The following IKZF3 variants were observed in gnomAD, a reference collection of about 807,000 sequenced individuals.
IKZF3 encodes IKAROS family zinc finger 3.
A neutral mutation model predicts 49.0 loss-of-function variants in IKZF3; 10 were observed. The observed-to-expected ratio is 0.20, with a 90% confidence interval of 0.13 to 0.35. IKZF3 has a LOEUF of 0.35. IKZF3 is among the 10% of genes least tolerant of loss of function. IKZF3 has a pLI of 1.00. For synonymous variants in IKZF3, 209 were observed against 228.2 expected (o/e 0.92, Z 0.76); for missense variants, 498 against 664.8 (o/e 0.75, Z 2.76).
rs2060439308 is a variant in IKZF3 at position 39,771,409 on chromosome 17, C to T, written c.827-4916G>A. On this transcript the variant is annotated intron_variant, in intron 7 of 7. Coordinates refer to ENST00000346872, the MANE Select transcript of IKZF3 (RefSeq NM_012481.5). ...TGGTTAGGTGATTTGAGGAATACAA[C>T]AAAATTGCAATCCACTAGAGGAGAT... Among the ~76,000 whole-genome samples, 3 of 152,182 alleles carry T rather than the reference C, an allele frequency of 2.0e-5. No homozygotes were observed. In the South Asian group the frequency reaches 6.2e-4, roughly 31 times the overall value.
rs1277670618 is a variant in IKZF3 at position 39,834,878 on chromosome 17, C to T, written c.8-2727G>A. 2.6e-5 allele frequency among the ~76,000 whole-genome samples: 4 copies of T among 152,314 alleles called. No individual in the cohort carries two copies. The East Asian group carries it at 7.7e-4, about 29-fold the overall frequency. ...GAGCCTCAGGTGGGTCTCCTGTTCC[C>T]TATACTCCCCTGCACAGTGGCCTCC... is the stretch of plus-strand genomic sequence containing the variant. On this transcript the variant is annotated intron_variant, in intron 1 of 7. Coordinates refer to ENST00000346872, the MANE Select transcript of IKZF3 (RefSeq NM_012481.5).
chr17:39,790,319 GA>G (rs1397819384), intron 5 of IKZF3, among the ~76,000 whole-genome samples: 1 of 151,840 alleles, frequency 6.6e-6, no homozygotes, highest in African/African-American at 2.4e-5. Flanking sequence ...TTTCTTACTT[GA>G]AAAAGGCAAC....
Position 39,836,013 on chromosome 17 carries a change from G to C in IKZF3, c.8-3862C>G, listed in dbSNP as rs1163054593. 6 of 635,420 alleles carry C rather than the reference G, an allele frequency of 9.4e-6. No individual in the cohort carries two copies. In the African/African-American group the frequency reaches 1.1e-4, roughly 12 times the overall value. The allele number at this position is 635,420 out of a possible 1,614,324, so 39.4% of individuals were successfully genotyped here. Reference sequence around the variant, plus strand: ...GGACATGTTGTCCATGCTGCTCCAAGCTGTCTTCTGCTGCCGCAGGAGGCT... The same window carrying C: ...GGACATGTTGTCCATGCTGCTCCAACCTGTCTTCTGCTGCCGCAGGAGGCT... On this transcript the variant is annotated intron_variant, in intron 1 of 7. Transcript: ENST00000346872.
chr17:39,807,544 ATTT>A (rs890371023), intron 3 of IKZF3, among the ~76,000 whole-genome samples: 1,514 of 80,736 alleles, frequency 0.019, 12 homozygotes, highest in African/African-American at 0.075. Context: ...GACTATTTAA[ATTT>A]TTTTTTTTTT....
At position 39,829,955 on chromosome 17, in the gene IKZF3, C is replaced by CA. The variant is rs373615960; in HGVS notation, c.62-468dup. Reference sequence around the variant, plus strand: ...TGACAGAGTGAGACTTCGTCTCAAACAAAAAAAAAAGAGAAAAGAAATATG... The same window carrying CA: ...TGACAGAGTGAGACTTCGTCTCAAACAAAAAAAAAAAGAGAAAAGAAATATG... On this transcript the variant is annotated intron_variant, in intron 2 of 7. Transcript: ENST00000346872. 5.0e-3 allele frequency among the ~76,000 whole-genome samples: 720 copies of CA among 143,948 alleles called. 6 individuals carry two copies. Among genetic ancestry groups the CA allele is most frequent in the African/African-American group, 0.016 (620 of 39,552 alleles). The allele number at this position is 143,948 out of a possible 152,430, so 94.4% of individuals were successfully genotyped here. A position where few individuals can be genotyped will look rare whatever the true frequency, so the allele number is the denominator to read the frequency against.
At chr17:39,777,870 C>G (rs866302853) in intron 6 of IKZF3, 103 bp from the exon 7 acceptor site, 1 of 1,529,526 alleles carries the variant, frequency 6.5e-7, no homozygotes, top group Non-Finnish European at 8.7e-7. Flanking sequence ...TGGATGCACA[C>G]TCTATTGTTG....
intron 1 of IKZF3, among the ~76,000 whole-genome samples, chr17:39,833,950 C>G (rs114216466): frequency 0.02 from 3,056 of 152,170 alleles, 116 homozygotes; most frequent in African/African-American, 0.07. Flanking sequence ...TGTCCTTTTT[C>G]TGTTGCAGGA....
rs1272853410 is a variant in IKZF3 at position 39,757,827 on chromosome 17, T to C, written c.*7963A>G. The C allele has an allele frequency of 1.3e-5, 2 of 152,174 alleles. No individual in the cohort carries two copies. The highest frequency in any genetic ancestry group is 2.9e-5 in the Non-Finnish European group (2 of 68,038). The allele number at this position is 152,174 out of a possible 1,614,324, so 9.4% of individuals were successfully genotyped here. A position where few individuals can be genotyped will look rare whatever the true frequency, so the allele number is the denominator to read the frequency against. ...TACAGGGTTCCAGCAAGGGTTAGCA[T>C]TGTTACATTTCAGAAGCTGACTTTC... On this transcript the variant is annotated 3_prime_UTR_variant, in exon 8 of 8. Transcript: ENST00000346872.
At chr17:39,819,598 C>T (rs999990870) in intron 3 of IKZF3, among the ~76,000 whole-genome samples, 1 of 152,174 alleles carries the variant, frequency 6.6e-6, no homozygotes, top group African/African-American at 2.4e-5. Flanking sequence ...ATTTGAATCT[C>T]AGAAGTTTTA....
intron 1 of IKZF3, among the ~76,000 whole-genome samples, chr17:39,848,040 G>C (rs1216185736): frequency 6.6e-6 from 1 of 152,116 alleles, no homozygotes; most frequent in Non-Finnish European, 1.5e-5. Context: ...CAAAAACAAA[G>C]ACATGCATTA....
intron 2 of IKZF3, 129 bp downstream of exon 2, chr17:39,831,969 C>A (rs181794036): frequency 1.5e-6 from 1 of 654,634 alleles, no homozygotes; most frequent in Non-Finnish European, 2.6e-6. Context: ...CAACAGACAA[C>A]CATATTTAAA....
chr17:39,816,224 AT>A (rs1422836274), intron 3 of IKZF3, among the ~76,000 whole-genome samples: 1 of 152,256 alleles, frequency 6.6e-6, no homozygotes, highest in East Asian at 1.9e-4. Context: ...AAATAGAGCT[AT>A]ATCAACTATA....
At chr17:39,796,837 C>T (rs564453352) in intron 3 of IKZF3, among the ~76,000 whole-genome samples, 42 of 149,730 alleles carry the variant, frequency 2.8e-4, no homozygotes, top group African/African-American at 8.8e-4. Flanking sequence ...TGAGCCACTG[C>T]GCTCGGCCTC....
At chr17:39,841,591 A>T (rs1249457525) in intron 1 of IKZF3, among the ~76,000 whole-genome samples, 2 of 152,058 alleles carry the variant, frequency 1.3e-5, no homozygotes, top group Non-Finnish European at 2.9e-5. Flanking sequence ...CCAATGGGAG[A>T]CTGGTTGTAT....
At chr17:39,841,682 C>G (rs1040841833) in intron 1 of IKZF3, among the ~76,000 whole-genome samples, 8 of 152,052 alleles carry the variant, frequency 5.3e-5, no homozygotes, top group African/African-American at 1.9e-4. Context: ...AAGGGAGTTA[C>G]AAATATGGAA....
chr17:39,853,728 G>C (rs927452695), intron 1 of IKZF3, among the ~76,000 whole-genome samples: 1 of 148,464 alleles, frequency 6.7e-6, no homozygotes, highest in Non-Finnish European at 1.5e-5. Flanking sequence ...CCAGCTACTC[G>C]GGAGGCTGAG....
At chr17:39,817,288 G>C (rs1417159875) in intron 3 of IKZF3, among the ~76,000 whole-genome samples, 4 of 152,080 alleles carry the variant, frequency 2.6e-5, no homozygotes, top group Non-Finnish European at 5.9e-5. Context: ...ACAAGTCTTT[G>C]GTTCCTAAAA....
chr17:39,829,898 G>A (rs772307300), intron 2 of IKZF3, among the ~76,000 whole-genome samples: 44 of 152,020 alleles, frequency 2.9e-4, no homozygotes, highest in Non-Finnish European at 5.6e-4. Context: ...GTTGCAGTGA[G>A]CCAAGATAGC....
At position 39,824,538 on chromosome 17, in the gene IKZF3, C is replaced by A. The variant is rs1598122366; in HGVS notation, c.163+4849G>T. On this transcript the variant is annotated intron_variant, in intron 3 of 7. Coordinates refer to ENST00000346872, the MANE Select transcript of IKZF3 (RefSeq NM_012481.5). The stretch of plus-strand genomic sequence containing the variant: ...CAGAATGATATGGTTTAGCTGCGTC[C>A]CTACCCAAATCTCATCTTGAATTGT... Among the ~76,000 whole-genome samples the A allele has an allele frequency of 7.9e-5, 12 of 152,144 alleles. 3 individuals carry two copies. Among genetic ancestry groups the A allele is most frequent in the Admixed American group, 7.8e-4 (12 of 15,298 alleles).
Sources: allele counts gnomAD v4.1 joint callset (sites outside exome capture counted in the v4.1 genomes callset), GRCh38; gene constraint gnomAD v4.1.1; transcripts MANE v1.5; gene names NCBI Gene and HGNC (gene_info 2026-07-23, HGNC 2026-07-21).